Variants in CFAP92 observed in about 807,000 individuals in gnomAD.
CFAP92 encodes the protein cilia and flagella associated protein 92 (putative).
A neutral mutation model predicts 106.3 loss-of-function variants in CFAP92; 86 were observed. The ratio of observed to expected loss-of-function variants is 0.81; its 90% CI spans 0.68 to 0.97. CFAP92 has a LOEUF of 0.97. CFAP92 is among the 50% of genes least tolerant of loss of function. CFAP92 has a pLI of 0.00. For missense variants in CFAP92, 1,204 were observed against 1,283.8 expected, an observed-to-expected ratio of 0.94 and a Z score of 0.95; for synonymous variants, 477 against 506.4, an observed-to-expected ratio of 0.94 and a Z score of 0.78.
chr3:128,978,586 C>T (rs116088604), intron 4 of CFAP92, among the ~76,000 whole-genome samples: 5 of 152,168 alleles, frequency 3.3e-5, no homozygotes, highest in African/African-American at 1.2e-4. Context: ...GATAGAGACT[C>T]GTACTGGTAC....
At chr3:129,002,306 G>A (rs1323759677) in intron 1 of CFAP92, 3 of 1,525,476 alleles carry the variant, frequency 2.0e-6, no homozygotes, top group African/African-American at 1.4e-5. Context: ...GCAGTGATGC[G>A]CGCTGCCTAG....
At chr3:128,928,161 G>A (rs1293330776) in intron 12 of CFAP92, among the ~76,000 whole-genome samples, 1 of 152,136 alleles carries the variant, frequency 6.6e-6, no homozygotes, top group Non-Finnish European at 1.5e-5. Flanking sequence ...GCTGAGGCAG[G>A]AGAATGGCGT....
Position 128,977,375 on chromosome 3 carries a change from G to C in CFAP92, c.809-309C>G, listed in dbSNP as rs908537191. ...TTTACATTAGAGAATAATGAAAACA[G>C]TCCTAAGTTCCCAACCATAGGGAAT... is the stretch of plus-strand genomic sequence containing the variant. On this transcript the variant is annotated intron_variant, in intron 5 of 15. Transcript: ENST00000645291. Among the ~76,000 whole-genome samples the C allele has an allele frequency of 2.6e-5, 4 of 152,142 alleles. No individual in the cohort carries two copies. In the South Asian group the frequency reaches 8.3e-4, roughly 32 times the overall value.
At chr3:128,963,010 TAGAC>T (rs1348176341) in intron 9 of CFAP92, among the ~76,000 whole-genome samples, 3 of 152,224 alleles carry the variant, frequency 2.0e-5, no homozygotes, top group African/African-American at 7.2e-5. Context: ...TGCCTTCACT[TAGAC>T]TGACCCTGAC....
At chr3:129,000,653 A>G (rs77884849) in intron 1 of CFAP92, among the ~76,000 whole-genome samples, 1 of 152,356 alleles carries the variant, frequency 6.6e-6, no homozygotes, top group Non-Finnish European at 1.5e-5. Context: ...GTTTTTCTTC[A>G]TCTTCCAGAA....
At chr3:128,978,248 T>A (rs988993066) in intron 4 of CFAP92, 63 bp from the exon 5 acceptor site, 1 of 1,558,998 alleles carries the variant, frequency 6.4e-7, no homozygotes, top group Non-Finnish European at 8.7e-7. Context: ...TTGAATTAAC[T>A]ACTATGGGCA....
chr3:128,979,947 AAT>A lies in CFAP92; in HGVS notation c.668-1764_668-1763del, dbSNP rs375673134. 3.4e-3 allele frequency among the ~76,000 whole-genome samples: 433 copies of A among 128,280 alleles called. 3 individuals are homozygous for A. Among genetic ancestry groups the A allele is most frequent in the South Asian group, 0.018 (68 of 3,726 alleles). 84.2% of individuals were successfully genotyped at this position (128,280 alleles called of 152,430 possible). On this transcript the variant is annotated intron_variant, in intron 4 of 15. Coordinates refer to ENST00000645291, the MANE Select transcript of CFAP92 (RefSeq NM_001394090.1). ...TGTACCCTAAAACTTAAAGTATAATAATATATATATATATATATATATATAAA... is the reference window on the plus strand; with the variant it reads ...TGTACCCTAAAACTTAAAGTATAATAATATATATATATATATATATATAAA...
intron 10 of CFAP92, among the ~76,000 whole-genome samples, chr3:128,938,288 TA>T (rs1939258782): frequency 6.6e-6 from 1 of 151,992 alleles, no homozygotes; most frequent in Admixed American, 6.6e-5. Context: ...GTTAAAAGTT[TA>T]AAAACGGGCT....
chr3:129,008,035 C>T, the CFAP92 span, among the ~76,000 whole-genome samples: 1 of 152,182 alleles, frequency 6.6e-6, no homozygotes, highest in Admixed American at 6.5e-5. Context: ...GGGCCATGAT[C>T]CTTGAGAGTC....
At chr3:128,949,613 G>A (rs1208093370) in intron 9 of CFAP92, among the ~76,000 whole-genome samples, 1 of 152,226 alleles carries the variant, frequency 6.6e-6, no homozygotes, top group Non-Finnish European at 1.5e-5. Flanking sequence ...TATGAAGGGC[G>A]AGTACAAAGG....
chr3:129,025,492 G>A, the CFAP92 span, among the ~76,000 whole-genome samples: 6 of 152,218 alleles, frequency 3.9e-5, no homozygotes, highest in Admixed American at 6.5e-5. Flanking sequence ...GTGATGTGAC[G>A]GGGACCAAGA....
At chr3:128,949,403 G>A (rs73210625) in intron 9 of CFAP92, among the ~76,000 whole-genome samples, 7,256 of 152,256 alleles carry the variant, frequency 0.048, 200 homozygotes, top group Non-Finnish European at 0.062. Flanking sequence ...CGATAGATGC[G>A]GCCACTTGAA....
intron 9 of CFAP92, among the ~76,000 whole-genome samples, chr3:128,949,650 C>A (rs1045138641): frequency 2.6e-5 from 4 of 152,184 alleles, no homozygotes; most frequent in Admixed American, 2.0e-4. Flanking sequence ...AGAACTGTAT[C>A]CTAACTGTAG....
At chr3:129,007,627 T>C (rs562661234), upstream of CFAP92, among the ~76,000 whole-genome samples, 16 of 152,350 alleles carry the variant, frequency 1.1e-4, no homozygotes, top group Middle Eastern at 0.014. Context: ...ATGTCGGATG[T>C]TTCAAATAAG....
intron 1 of CFAP92, chr3:129,001,611 G>T (rs72977188): frequency 7.4e-7 from 1 of 1,354,926 alleles, no homozygotes; most frequent in Non-Finnish European, 9.4e-7. Context: ...CCGGAGGAGC[G>T]AGGCGCGCGG....
At chr3:128,978,928 T>A (rs1943341654) in intron 4 of CFAP92, among the ~76,000 whole-genome samples, 3 of 152,070 alleles carry the variant, frequency 2.0e-5, no homozygotes, top group African/African-American at 7.2e-5. Flanking sequence ...CCAAAAACAA[T>A]GGTAACAAAA....
the CFAP92 span, among the ~76,000 whole-genome samples, chr3:129,010,429 C>T: frequency 6.6e-6 from 1 of 152,048 alleles, no homozygotes; most frequent in South Asian, 2.1e-4. This position sits in a 1 kb window ranked among gnomAD's most constrained non-coding sequence, Gnocchi z 4.3. Context: ...CTCAGCTCAG[C>T]CGGAACAGGG....
chr3:128,931,688 A>G (rs918276814), intron 12 of CFAP92, among the ~76,000 whole-genome samples: 4 of 152,084 alleles, frequency 2.6e-5, no homozygotes, highest in South Asian at 2.1e-4. Flanking sequence ...GATAAATCCA[A>G]GAACTGATTC....
intron 8 of CFAP92, chr3:128,969,745 T>C (rs718614): frequency 0.21 from 32,059 of 152,126 alleles, 3,716 homozygotes; most frequent in Middle Eastern, 0.27. Flanking sequence ...CTTGGGACTG[T>C]AGGACGAAGG....
Sources: gnomAD v4.1 joint callset for allele counts (sites outside exome capture counted in the v4.1 genomes callset) on GRCh38, gnomAD v4.1.1 for gene constraint, Gnocchi (gnomAD v3.1) non-coding constraint, MANE v1.5 for transcripts, NCBI Gene and HGNC (gene_info 2026-07-23, HGNC 2026-07-21) for gene names.